The following FOXP1 variants were observed in gnomAD, a reference collection of about 807,000 sequenced individuals.
FOXP1 encodes forkhead box P1, also known as forkhead box protein P1.
A neutral mutation model predicts 98.2 loss-of-function variants in FOXP1; 15 were observed. That is an observed-to-expected ratio of 0.15 (90% confidence interval 0.10 to 0.24). The LOEUF (loss-of-function observed/expected upper bound fraction) is 0.24. Ranked by LOEUF, FOXP1 falls within the 10% of genes least tolerant of loss-of-function variation. The pLI is 1.00. For missense variants in FOXP1, 633 were observed against 848.5 expected, an observed-to-expected ratio of 0.75 and a Z score of 3.15; for synonymous variants, 371 against 314.5, an observed-to-expected ratio of 1.18 and a Z score of -1.90.
At chr3:71,442,699 C>A (rs751166926) in intron 3 of FOXP1, among the ~76,000 whole-genome samples, 5 of 152,016 alleles carry the variant, frequency 3.3e-5, no homozygotes, top group Non-Finnish European at 7.4e-5. Context: ...CACAGTCACT[C>A]CCACGTCTGG....
chr3:70,959,408 G>A lies in FOXP1; in HGVS notation c.1890-17C>T, dbSNP rs192056954. The A allele has an allele frequency of 1.8e-5, 29 of 1,613,990 alleles. No homozygotes were observed. The Admixed American group carries it at 4.8e-4, about 27-fold the overall frequency. ...ACAGGATGCCTGGAAAAAATATGCA[G>A]AGGTTCAGTGAGGGTACTTCCCAGC... On this transcript the variant is annotated splice_polypyrimidine_tract_variant and intron_variant, in intron 20 of 20. Coordinates refer to ENST00000649528, the MANE Select transcript of FOXP1 (RefSeq NM_001349338.3).
intron 14 of FOXP1, among the ~76,000 whole-genome samples, chr3:70,980,939 G>A (rs1466406266): frequency 1.3e-5 from 2 of 152,118 alleles, no homozygotes; most frequent in African/African-American, 4.8e-5. Flanking sequence ...TCTGAAAGAT[G>A]CAATGAAAAT....
chr3:70,965,374 A>G (rs2034527462), intron 20 of FOXP1, among the ~76,000 whole-genome samples: 1 of 152,152 alleles, frequency 6.6e-6, no homozygotes, highest in Non-Finnish European at 1.5e-5. Flanking sequence ...TAATGCTCCT[A>G]TTAATTTTCC....
chr3:71,116,296 C>G (rs2058370340), intron 6 of FOXP1, among the ~76,000 whole-genome samples: 1 of 151,998 alleles, frequency 6.6e-6, no homozygotes, highest in East Asian at 1.9e-4. Flanking sequence ...CTCTTCATAC[C>G]ATCTCATACA....
At chr3:71,179,134 CT>C (rs34816512) in intron 6 of FOXP1, among the ~76,000 whole-genome samples, 172 of 124,802 alleles carry the variant, frequency 1.4e-3, no homozygotes, top group Middle Eastern at 4.4e-3. Flanking sequence ...TCTTAACAAT[CT>C]TTTTTTTTTT....
intron 5 of FOXP1, chr3:71,292,376 CCAGG>C (rs2072848019): frequency 1.3e-5 from 2 of 152,080 alleles, no homozygotes; most frequent in African/African-American, 4.8e-5. Context: ...CCTCTGTTGC[CCAGG>C]ATGTAGAGCA....
At chr3:71,237,265 A>AAT in intron 5 of FOXP1, among the ~76,000 whole-genome samples, 1 of 142,592 alleles carries the variant, frequency 7.0e-6, no homozygotes, top group African/African-American at 2.6e-5. Flanking sequence ...AAAAAAAAAA[A>AAT]ATTGGATTTT....
At chr3:71,105,717 G>T (rs187059740) in intron 7 of FOXP1, among the ~76,000 whole-genome samples, 18 of 152,096 alleles carry the variant, frequency 1.2e-4, no homozygotes, top group Non-Finnish European at 2.2e-4. Context: ...AAATAACTTT[G>T]CTTTGCTGTT....
intron 3 of FOXP1, among the ~76,000 whole-genome samples, chr3:71,371,051 A>G (rs533198364): frequency 7.9e-5 from 12 of 152,062 alleles, no homozygotes; most frequent in Admixed American, 3.3e-4. Flanking sequence ...ATCCCCTGCC[A>G]GGATTACAGG....
At chr3:71,250,124 T>G (rs1444871369) in intron 5 of FOXP1, among the ~76,000 whole-genome samples, 1 of 152,098 alleles carries the variant, frequency 6.6e-6, no homozygotes, top group Non-Finnish European at 1.5e-5. Flanking sequence ...AATTAATTAT[T>G]CATTGTGTAA....
At chr3:71,089,002 G>A (rs1168852384) in intron 7 of FOXP1, among the ~76,000 whole-genome samples, 3 of 152,108 alleles carry the variant, frequency 2.0e-5, no homozygotes, top group Non-Finnish European at 4.4e-5. Flanking sequence ...ATCCAACATA[G>A]CTGAAGGATA....
At chr3:71,152,127 G>C (rs139636800) in intron 6 of FOXP1, among the ~76,000 whole-genome samples, 2 of 152,206 alleles carry the variant, frequency 1.3e-5, no homozygotes, top group African/African-American at 4.8e-5. Context: ...GGCTGTTCCT[G>C]AAGACAGAGA....
At chr3:71,284,068 T>A (rs1310071696) in intron 5 of FOXP1, among the ~76,000 whole-genome samples, 2 of 152,206 alleles carry the variant, frequency 1.3e-5, no homozygotes, top group African/African-American at 2.4e-5. Flanking sequence ...TTTTTAAAAA[T>A]AAGATAAACC....
At chr3:71,415,970 C>T (rs1053666070) in intron 3 of FOXP1, among the ~76,000 whole-genome samples, 3 of 152,210 alleles carry the variant, frequency 2.0e-5, no homozygotes, top group African/African-American at 4.8e-5. Flanking sequence ...TCTGGGACTT[C>T]GGCATCTTTC....
At chr3:71,442,486 T>A (rs565076783) in intron 3 of FOXP1, among the ~76,000 whole-genome samples, 1 of 152,250 alleles carries the variant, frequency 6.6e-6, no homozygotes, top group East Asian at 1.9e-4. Context: ...CAGCTGATTT[T>A]AGTGAAATTA....
At chr3:70,987,746 A>G (rs1325292407) in intron 14 of FOXP1, among the ~76,000 whole-genome samples, 4 of 152,204 alleles carry the variant, frequency 2.6e-5, no homozygotes, top group African/African-American at 9.7e-5. Flanking sequence ...TTCTGCCTTT[A>G]AAGAAGAGCT....
intron 7 of FOXP1, among the ~76,000 whole-genome samples, chr3:71,075,676 G>A (rs2053728091): frequency 6.6e-6 from 1 of 151,440 alleles, no homozygotes; most frequent in Non-Finnish European, 1.5e-5. Context: ...ATGGTGATTT[G>A]CTAAACACTG....
At chr3:71,234,071 C>T (rs1051977426) in intron 5 of FOXP1, among the ~76,000 whole-genome samples, 1 of 151,834 alleles carries the variant, frequency 6.6e-6, no homozygotes, top group Non-Finnish European at 1.5e-5. Flanking sequence ...TGATGTTTCT[C>T]GCATGCCCAT....
At chr3:71,342,093 G>T (rs2077043283) in intron 4 of FOXP1, among the ~76,000 whole-genome samples, 1 of 152,136 alleles carries the variant, frequency 6.6e-6, no homozygotes, top group African/African-American at 2.4e-5. Flanking sequence ...AGATTTACAT[G>T]CTGCAAGCTA....
Sources: allele counts gnomAD v4.1 joint callset (sites outside exome capture counted in the v4.1 genomes callset), GRCh38; gene constraint gnomAD v4.1.1; transcripts MANE v1.5; gene names NCBI Gene and HGNC (gene_info 2026-07-23, HGNC 2026-07-21).